Variants in ANXA3 observed in about 807,000 individuals in gnomAD.
ANXA3 encodes 35-alpha calcimedin.
Under a neutral mutation model 48.8 loss-of-function variants are expected in ANXA3, and 46 were observed. The ratio of observed to expected loss-of-function variants is 0.94; its 90% CI spans 0.74 to 1.21. The LOEUF is 1.21. Ranked by LOEUF, ANXA3 falls within the 50% of genes most tolerant of loss-of-function variation. The pLI is 0.00. For missense variants in ANXA3, 383 were observed against 378.6 expected (o/e 1.01, Z -0.10); for synonymous variants, 128 against 134.7 (o/e 0.95, Z 0.35).
intron 12 of ANXA3, among the ~76,000 whole-genome samples, chr4:78,607,715 T>G (rs747505665): frequency 6.6e-6 from 1 of 152,042 alleles, no homozygotes; most frequent in Non-Finnish European, 1.5e-5. Context: ...CAACAGACAA[T>G]TAAATACTAG....
At chr4:78,601,592 A>G (rs1723543560) in intron 11 of ANXA3, 24 bp downstream of exon 11, 2 of 1,606,062 alleles carry the variant, frequency 1.2e-6, no homozygotes, top group Non-Finnish European at 1.7e-6. Flanking sequence ...GTTCATGTGC[A>G]TTCTTAGCGT....
intron 12 of ANXA3, among the ~76,000 whole-genome samples, chr4:78,608,824 C>T (rs1723701961): frequency 6.6e-6 from 1 of 152,068 alleles, no homozygotes; most frequent in Non-Finnish European, 1.5e-5. Context: ...CCATGTAAGA[C>T]ATGTGGAGAG....
intron 3 of ANXA3, among the ~76,000 whole-genome samples, chr4:78,578,298 CGAGAGAGAGAGAGA>C (rs1220106430): frequency 1.3e-4 from 6 of 46,516 alleles, no homozygotes; most frequent in South Asian, 9.6e-4. Flanking sequence ...AGAGAGAGAG[CGAGAGAGAGAGAGA>C]GAGAGAGAGA....
At chr4:78,573,356 C>T in intron 3 of ANXA3, 89 bp downstream of exon 3, 1 of 931,764 alleles carries the variant, frequency 1.1e-6, no homozygotes. Context: ...GATTGGCTTA[C>T]TCAATTTAAT....
intron 3 of ANXA3, among the ~76,000 whole-genome samples, chr4:78,576,861 T>C (rs894952127): frequency 2.0e-5 from 3 of 152,184 alleles, no homozygotes; most frequent in Non-Finnish European, 4.4e-5. Context: ...GTTTTTGATC[T>C]TGGGCATGTT....
intron 2 of ANXA3, among the ~76,000 whole-genome samples, chr4:78,565,992 C>T (rs759747588): frequency 1.3e-5 from 2 of 152,044 alleles, no homozygotes; most frequent in African/African-American, 2.4e-5. Context: ...AGAAATAACC[C>T]ACAGCAGGAT....
chr4:78,591,860 G>A (rs1420304393), intron 7 of ANXA3, among the ~76,000 whole-genome samples: 1 of 152,180 alleles, frequency 6.6e-6, no homozygotes, highest in Non-Finnish European at 1.5e-5. Flanking sequence ...AAGTGGAGGT[G>A]TTTTGGTCAG....
At chr4:78,586,551 A>G (rs1723183272) in intron 6 of ANXA3, among the ~76,000 whole-genome samples, 1 of 152,258 alleles carries the variant, frequency 6.6e-6, no homozygotes, top group African/African-American at 2.4e-5. Flanking sequence ...ACTGCTACAT[A>G]ACAATAGCAT....
chr4:78,608,736 G>GTTTA (rs1161786997), intron 12 of ANXA3, among the ~76,000 whole-genome samples: 56 of 152,078 alleles, frequency 3.7e-4, no homozygotes, highest in African/African-American at 1.3e-3. Context: ...TTGTTTGTTT[G>GTTTA]TTTCCTTTTC....
intron 3 of ANXA3, among the ~76,000 whole-genome samples, chr4:78,574,470 T>C (rs1386643196): frequency 6.6e-6 from 1 of 152,120 alleles, no homozygotes; most frequent in Non-Finnish European, 1.5e-5. Flanking sequence ...CGTCAGTTCT[T>C]CCTGGATTTC....
chr4:78,590,197 T>C (rs1010854307), intron 6 of ANXA3, among the ~76,000 whole-genome samples: 5 of 152,194 alleles, frequency 3.3e-5, no homozygotes, highest in Non-Finnish European at 5.9e-5. Flanking sequence ...TTTTCAAATT[T>C]AAAGTTTTTT....
At chr4:78,554,648 T>A (rs559517743) in intron 2 of ANXA3, among the ~76,000 whole-genome samples, 160 bp downstream of exon 2, 1 of 152,288 alleles carries the variant, frequency 6.6e-6, no homozygotes, top group African/African-American at 2.4e-5. Context: ...AATAAAATAT[T>A]TTTAAAAATG....
intron 2 of ANXA3, among the ~76,000 whole-genome samples, chr4:78,564,969 G>A (rs1722700265): frequency 1.3e-5 from 2 of 151,648 alleles, no homozygotes; most frequent in Non-Finnish European, 2.9e-5. Flanking sequence ...GTGAAATAGG[G>A]GAGTGACAAG....
intron 7 of ANXA3, among the ~76,000 whole-genome samples, 195 bp downstream of exon 7, chr4:78,591,818 T>C (rs1464243705): frequency 6.6e-6 from 1 of 152,236 alleles, no homozygotes; most frequent in Non-Finnish European, 1.5e-5. Flanking sequence ...TACATAATGA[T>C]GTAACAACAA....
At chr4:78,599,144 C>T (rs1194474008) in intron 10 of ANXA3, among the ~76,000 whole-genome samples, 1 of 152,086 alleles carries the variant, frequency 6.6e-6, no homozygotes, top group Non-Finnish European at 1.5e-5. Context: ...AACTTACATA[C>T]CATAAAGTTC....
At chr4:78,598,146 C>G (rs999271365) in intron 10 of ANXA3, among the ~76,000 whole-genome samples, 1 of 151,584 alleles carries the variant, frequency 6.6e-6, no homozygotes, top group African/African-American at 2.4e-5. Context: ...GTTTGGGCAA[C>G]ATAGCAAGAT....
In ANXA3 at chr4:78,586,309, C is replaced by T. The variant is rs781405613; in HGVS notation, c.362C>T (p.Thr121Ile). The T allele has an allele frequency of 5.6e-6, 9 of 1,613,578 alleles. No individual in the cohort carries two copies. Among genetic ancestry groups the T allele is most frequent in the Admixed American group, 1.7e-5 (1 of 59,968 alleles). Residue 121 changes from threonine to isoleucine, a missense_variant, in exon 6 of 13, where the codon ACA (threonine) becomes ATA (isoleucine). Thr to Ile is a moderately conservative substitution (Grantham distance 89). Transcript: ENST00000264908. ...TTGATTGAAATCTTAACTACCAGGA[C>T]AAGCAGGCAAATGAAGGATATCTCT... ...DALIEILTTR[T>I]SRQMKDISQA...
intron 12 of ANXA3, 48 bp from the exon 13 acceptor site, chr4:78,610,007 TC>T: frequency 7.1e-7 from 1 of 1,404,288 alleles, no homozygotes; most frequent in Admixed American, 1.7e-5. Context: ...ATTTATGGTC[TC>T]CCATTATTTA....
intron 2 of ANXA3, among the ~76,000 whole-genome samples, chr4:78,557,336 CTGCTTTTAAGGG>C (rs1722535553): frequency 6.6e-6 from 1 of 152,164 alleles, no homozygotes; most frequent in Admixed American, 6.5e-5. Flanking sequence ...AGACATTTCT[CTGCTTTTAAGGG>C]TGCGTGTGAT....
Sources: allele counts gnomAD v4.1 joint callset (sites outside exome capture counted in the v4.1 genomes callset), GRCh38; gene constraint gnomAD v4.1.1; transcripts MANE v1.5; gene names NCBI Gene and HGNC (gene_info 2026-07-23, HGNC 2026-07-21).